Variants in ADGRL1 observed in about 807,000 individuals in gnomAD.
ADGRL1 encodes the protein CIRL-1.
ADGRL1 carries 31 observed loss-of-function variants against 148.9 expected under a neutral mutation model. The ratio of observed to expected loss-of-function variants is 0.21; its 90% CI spans 0.16 to 0.28. The LOEUF is 0.28. Ranked by LOEUF, ADGRL1 falls within the 10% of genes least tolerant of loss-of-function variation. The probability of loss-of-function intolerance (pLI) is 1.00; values close to 1 mark genes in which losing one functional copy is unlikely to be tolerated. For missense variants in ADGRL1, 1,521 were observed against 2,058.8 expected (o/e 0.74, Z 5.05); for synonymous variants, 937 against 900.3 (o/e 1.04, Z -0.73).
intron 4 of ADGRL1, chr19:14,166,940 A>G: frequency 2.8e-6 from 4 of 1,419,406 alleles, no homozygotes; most frequent in East Asian, 2.3e-5. Flanking sequence ...GGGCCGGGGG[A>G]GGGCAGGTCA....
intron 1 of ADGRL1, among the ~76,000 whole-genome samples, chr19:14,183,982 G>A (rs1271174693): frequency 6.6e-6 from 1 of 152,142 alleles, no homozygotes; most frequent in Non-Finnish European, 1.5e-5. Context: ...GCAGGCCTTG[G>A]ACCCTCTGGA....
chr19:14,157,183 A>G lies in ADGRL1; in HGVS notation c.2746-38T>C. The G allele has an allele frequency of 6.2e-7, 1 of 1,613,072 alleles. No homozygotes were observed. Among genetic ancestry groups the G allele is most frequent in the South Asian group, 1.1e-5 (1 of 91,058 alleles). ...CTGAGGGTGAGGGGCTGCTGCCTGG[A>G]CAGGTGTCCCCCTTCTTCTCCCGGC... is the stretch of plus-strand genomic sequence containing the variant. On this transcript the variant is annotated intron_variant, in intron 14 of 22. Transcript: ENST00000361434. This position sits in a 1 kb window ranked among gnomAD's most constrained non-coding sequence, Gnocchi z 7.5.
rs1969304748 is a variant in ADGRL1, at chr19:14,160,973, C to T, written c.1511-277G>A. Among the ~76,000 whole-genome samples the T allele has an allele frequency of 6.6e-6, 1 of 152,230 alleles. No homozygotes were observed. Among genetic ancestry groups the T allele is most frequent in the Non-Finnish European group, 1.5e-5 (1 of 68,038 alleles). On this transcript the variant is annotated intron_variant, in intron 6 of 22. Coordinates refer to ENST00000361434, the MANE Select transcript of ADGRL1 (RefSeq NM_014921.5). This position sits in a 1 kb window ranked among gnomAD's most constrained non-coding sequence, Gnocchi z 5.9. ...TTGAACGCCCCCTCTCCACGAAGCA[C>T]CTGCCAACCCTCCCCTCAGATCTCC...
At chr19:14,168,411 C>T (rs756813260) in intron 4 of ADGRL1, among the ~76,000 whole-genome samples, 11 of 152,140 alleles carry the variant, frequency 7.2e-5, no homozygotes, top group Non-Finnish European at 1.5e-4. Context: ...ACATCCACCC[C>T]GTATGTGTGC....
chr19:14,184,255 TG>T (rs1971418351), intron 1 of ADGRL1, among the ~76,000 whole-genome samples: 1 of 151,972 alleles, frequency 6.6e-6, no homozygotes, highest in Admixed American at 6.6e-5. Flanking sequence ...CTTTCCTCTC[TG>T]GGGGACCTTC....
chr19:14,166,680 TCTC>T (rs1253643327), intron 4 of ADGRL1, among the ~76,000 whole-genome samples: 1 of 139,786 alleles, frequency 7.2e-6, no homozygotes, highest in Non-Finnish European at 1.6e-5. Context: ...CTTATACACT[TCTC>T]CTGAAGGAGG....
At chr19:14,203,324 G>A (rs561775266) in intron 1 of ADGRL1, among the ~76,000 whole-genome samples, 2 of 152,254 alleles carry the variant, frequency 1.3e-5, no homozygotes, top group African/African-American at 4.8e-5. Context: ...GAGAAAGGAG[G>A]GGGTGGAGGG....
Position 14,159,092 on chromosome 19 carries a change from T to C in ADGRL1, c.2147A>G (p.Asn716Ser). 1 of 1,613,780 alleles carries C rather than the reference T, an allele frequency of 6.2e-7. No individual in the cohort carries two copies. Among genetic ancestry groups the C allele is most frequent in the Non-Finnish European group, 8.5e-7 (1 of 1,179,990 alleles). ...SAKTIKQNSRNGVVKVVFILY... is the reference protein window; with the variant it reads ...SAKTIKQNSRSGVVKVVFILY... ...GAGGCCCCGCCGGGGACACTGACCA[T>C]TGCGGCTGTTCTGCTTGATGGTTTT... The change falls in exon 11 of 23, where the codon AAT becomes AGT. Residue 716 changes from asparagine (N) to serine (S), a missense_variant and splice_region_variant. Physicochemically the swap from Asn to Ser is conservative, Grantham distance 46. Transcript: ENST00000361434. This position sits in a 1 kb window ranked among gnomAD's most constrained non-coding sequence, Gnocchi z 6.0.
chr19:14,160,069 GGCGCCCTCCCCATACCAGGTCA>G lies in ADGRL1; in HGVS notation c.1800+21_1800+42del. The G allele has an allele frequency of 6.5e-7, 1 of 1,533,484 alleles. No homozygotes were observed. The highest frequency in any genetic ancestry group is 1.2e-5 in the South Asian group (1 of 81,754). 95.0% of individuals were successfully genotyped at this position (1,533,484 alleles called of 1,614,324 possible). A position where few individuals can be genotyped will look rare whatever the true frequency, so the allele number is the denominator to read the frequency against. On this transcript the variant is annotated intron_variant, in intron 8 of 22. Transcript: ENST00000361434. This position sits in a 1 kb window ranked among gnomAD's most constrained non-coding sequence, Gnocchi z 5.9. Reference sequence around the variant, plus strand: ...GGTACTTCCCAAGCCCCTGGGGGCAGGCGCCCTCCCCATACCAGGTCAGCGCCACCGCCAGGCCCCACCTTGT... The same window carrying G: ...GGTACTTCCCAAGCCCCTGGGGGCAGGCGCCACCGCCAGGCCCCACCTTGT...
At position 14,162,651 on chromosome 19, in the gene ADGRL1, C is replaced by G; in HGVS notation, c.1150G>C (p.Val384Leu). 6.2e-7 allele frequency: 1 copy of G among 1,613,388 alleles called. No individual in the cohort carries two copies. The highest frequency in any genetic ancestry group is 1.1e-5 in the South Asian group (1 of 91,062). The change falls in exon 5 of 23, where the codon GTG becomes CTG. Residue 384 changes from valine (V) to leucine (L), a missense_variant. By Grantham distance (32) the Val-to-Leu change is conservative (BLOSUM62 1). Around this residue, in one of 8 missense-constraint regions of ADGRL1, gnomAD observed 270 missense variants for 320.4 expected, o/e 0.84. Coordinates refer to ENST00000361434, the MANE Select transcript of ADGRL1 (RefSeq NM_014921.5). The surrounding 1 kb of genome is among the most constrained non-coding windows in gnomAD (Gnocchi z 5.4). ...CCGAACTCCAGGCTGTAGCGCACCACGAAATAGTTGTTCCAGACGTACAGC... is the reference window on the plus strand; with the variant it reads ...CCGAACTCCAGGCTGTAGCGCACCAGGAAATAGTTGTTCCAGACGTACAGC... ...NQLYVWNNYF[V>L]VRYSLEFGPP...
At chr19:14,166,301 C>T (rs554471120) in intron 4 of ADGRL1, among the ~76,000 whole-genome samples, 4 of 150,982 alleles carry the variant, frequency 2.6e-5, no homozygotes, top group South Asian at 4.2e-4. Flanking sequence ...GGACAGCTGA[C>T]ACCCCTCCCC....
chr19:14,151,320 C>T lies in ADGRL1; in HGVS notation c.3963G>A (p.Gly1321=), dbSNP rs1246109684. Residue 1321 remains glycine, a synonymous_variant, in exon 23 of 23, where the codon GGG becomes GGA. Coordinates refer to ENST00000361434, the MANE Select transcript of ADGRL1 (RefSeq NM_014921.5). ...GTTCAATCTCGGCCCGGTCAGCACC[C>T]CCGGGCCCGCCCGCCTCTTCCTCGC... ...GGGEEEAGGP[G]GADRAEIELL... The T allele has an allele frequency of 6.3e-7, 1 of 1,589,912 alleles. No homozygotes were observed. The highest frequency in any genetic ancestry group is 1.8e-5 in the Admixed American group (1 of 55,668).
rs1381378680 is a variant in ADGRL1, at chr19:14,159,127, C to G, written c.2112G>C (p.Gln704His). ...QEEYPRKNSI[Q>H]LSAKTIKQNS... ...TCTGCTTGATGGTTTTGGCAGACAG[C>G]TGGATGGAGTTCTTTCTCGGGTACT... Residue 704 changes from glutamine (Q) to histidine (H), a missense_variant, in exon 11 of 23, where the codon CAG becomes CAC. By Grantham distance (24) the Gln-to-His change is conservative. Around this residue, in one of 8 missense-constraint regions of ADGRL1, gnomAD observed 265 missense variants for 431.9 expected, o/e 0.61. Coordinates refer to ENST00000361434, the MANE Select transcript of ADGRL1 (RefSeq NM_014921.5). The surrounding 1 kb of genome is among the most constrained non-coding windows in gnomAD (Gnocchi z 6.0). 6.2e-7 allele frequency: 1 copy of G among 1,614,134 alleles called. No individual in the cohort carries two copies.
intron 1 of ADGRL1, among the ~76,000 whole-genome samples, chr19:14,199,426 T>TG (rs200775461): frequency 0.014 from 2,058 of 145,196 alleles, 27 homozygotes; most frequent in Non-Finnish European, 0.017. Context: ...AGTGTGTGTG[T>TG]TTTTTTTTTT....
In ADGRL1 at chr19:14,161,703, G is replaced by C; in HGVS notation, c.1196-77C>G. ...AGTGTGCTTGGGCAGGGGGTCCCAG[G>C]CCATCTTAGCATCTTCCTCATCTAC... On this transcript the variant is annotated intron_variant, in intron 5 of 22. Transcript: ENST00000361434. The surrounding 1 kb of genome is among the most constrained non-coding windows in gnomAD (Gnocchi z 4.4). 2 of 1,064,130 alleles carry C rather than the reference G, an allele frequency of 1.9e-6. No individual in the cohort carries two copies. The highest frequency in any genetic ancestry group is 2.5e-6 in the Non-Finnish European group (2 of 808,856). The allele number at this position is 1,064,130 out of a possible 1,614,324, so 65.9% of individuals were successfully genotyped here.
chr19:14,160,523 C>A lies in ADGRL1; in HGVS notation c.1614+70G>T, dbSNP rs1000162009. ...AGCCCATGTCTCCCCAGCTGCTCCA[C>A]GACCCCCGCTGGGCCCTGGGCCCTG... On this transcript the variant is annotated intron_variant, in intron 7 of 22. Coordinates refer to ENST00000361434, the MANE Select transcript of ADGRL1 (RefSeq NM_014921.5). The surrounding 1 kb of genome is among the most constrained non-coding windows in gnomAD (Gnocchi z 5.9). 2 of 1,193,882 alleles carry A rather than the reference C, an allele frequency of 1.7e-6. No homozygotes were observed. The highest frequency in any genetic ancestry group is 4.9e-5 in the East Asian group (2 of 40,838). 74.0% of individuals were successfully genotyped at this position (1,193,882 alleles called of 1,614,324 possible).
chr19:14,164,320 T>A (rs892405454), intron 4 of ADGRL1, among the ~76,000 whole-genome samples: 2 of 151,022 alleles, frequency 1.3e-5, no homozygotes, highest in African/African-American at 4.9e-5. Flanking sequence ...CCGGGAGAGT[T>A]GGGGAGGGAG....
chr19:14,181,529 G>A (rs1004340347), intron 2 of ADGRL1, among the ~76,000 whole-genome samples: 4 of 152,092 alleles, frequency 2.6e-5, no homozygotes, highest in African/African-American at 9.7e-5. Flanking sequence ...GACTAGCCTG[G>A]CCAACATGGT....
chr19:14,195,164 T>C (rs1019373692), intron 1 of ADGRL1, among the ~76,000 whole-genome samples: 1 of 152,012 alleles, frequency 6.6e-6, no homozygotes, highest in Non-Finnish European at 1.5e-5. Flanking sequence ...GGATTACAGG[T>C]GTACCCAGGA....
Sources: allele counts gnomAD v4.1 joint callset (sites outside exome capture counted in the v4.1 genomes callset), GRCh38; gene constraint gnomAD v4.1.1; regional missense constraint gnomAD v4.1.1; non-coding constraint Gnocchi (gnomAD v3.1); transcripts MANE v1.5; gene names NCBI Gene and HGNC (gene_info 2026-07-23, HGNC 2026-07-21).